Variants in DAB1 observed in about 807,000 individuals in gnomAD.
DAB1 encodes the protein disabled homolog 1.
Under a neutral mutation model 64.6 loss-of-function variants are expected in DAB1, and 15 were observed. That is an observed-to-expected ratio of 0.23 (90% CI 0.16 to 0.36). DAB1 has a LOEUF of 0.36. DAB1 is among the 10% of genes least tolerant of loss of function. The pLI, the probability that DAB1 is intolerant of heterozygous loss-of-function variation, is 1.00. For synonymous variants in DAB1, 235 were observed against 251.9 expected, an observed-to-expected ratio of 0.93 and a Z score of 0.64; for missense variants, 596 against 706.7, an observed-to-expected ratio of 0.84 and a Z score of 1.78.
intron 1 of DAB1, among the ~76,000 whole-genome samples, chr1:57,397,120 C>A (rs541061400): frequency 6.6e-6 from 1 of 152,284 alleles, no homozygotes; most frequent in African/African-American, 2.4e-5. Flanking sequence ...CTCTACAGTA[C>A]CCTTTTCCCT....
intron 1 of DAB1, among the ~76,000 whole-genome samples, chr1:57,364,982 T>C (rs1393345811): frequency 6.7e-6 from 1 of 148,868 alleles, no homozygotes; most frequent in Non-Finnish European, 1.5e-5. Context: ...TAGAGTCTCA[T>C]GACATTCTAT....
intron 3 of DAB1, among the ~76,000 whole-genome samples, chr1:58,381,053 C>A (rs561848071): frequency 6.6e-6 from 1 of 152,274 alleles, no homozygotes; most frequent in Non-Finnish European, 1.5e-5. Flanking sequence ...AACAGAAAAC[C>A]AAACACCACA....
intron 7 of DAB1, among the ~76,000 whole-genome samples, chr1:57,566,087 A>G (rs1257159820): frequency 1.3e-5 from 2 of 152,236 alleles, no homozygotes; most frequent in Non-Finnish European, 2.9e-5. Flanking sequence ...CTCAGACCAC[A>G]CTGCAATCAA....
At chr1:57,389,035 A>C (rs1682118998) in intron 1 of DAB1, among the ~76,000 whole-genome samples, 1 of 152,210 alleles carries the variant, frequency 6.6e-6, no homozygotes, top group South Asian at 2.1e-4. Context: ...ACACCACAAA[A>C]GTAACTGACA....
intron 1 of DAB1, among the ~76,000 whole-genome samples, chr1:57,379,756 C>T (rs11586826): frequency 0.31 from 47,671 of 152,048 alleles, 7,963 homozygotes; most frequent in African/African-American, 0.4. Context: ...GAACTCCAAG[C>T]CACCTATAGA....
At chr1:58,073,822 A>G (rs1175428751) in intron 5 of DAB1, among the ~76,000 whole-genome samples, 1 of 152,152 alleles carries the variant, frequency 6.6e-6, no homozygotes, top group African/African-American at 2.4e-5. Context: ...TAACTTACGA[A>G]GGTATAATTA....
At chr1:57,806,668 C>G (rs971080255) in intron 6 of DAB1, among the ~76,000 whole-genome samples, 5 of 152,156 alleles carry the variant, frequency 3.3e-5, no homozygotes, top group African/African-American at 9.7e-5. Context: ...CCCTAGAAAA[C>G]GAATATAAAA....
intron 5 of DAB1, among the ~76,000 whole-genome samples, chr1:57,891,391 C>T (rs549369604): frequency 5.8e-4 from 88 of 152,286 alleles, no homozygotes; most frequent in African/African-American, 2.0e-3. Flanking sequence ...AAAATAGGAA[C>T]GCTTTCACAC....
rs369058427 is a variant in DAB1, at chr1:57,163,572, G to A, written c.68-18143C>T. Among the ~76,000 whole-genome samples, 6 of 152,196 alleles carry A rather than the reference G, an allele frequency of 3.9e-5. No homozygotes were observed. In the East Asian group the frequency reaches 1.2e-3, roughly 30 times the overall value. On this transcript the variant is annotated intron_variant, in intron 2 of 14. Coordinates refer to ENST00000371236, the MANE Select transcript of DAB1 (RefSeq NM_001365792.1). ...CAATGGAAAGCCACGCTGGTGGTGG[G>A]GGCGGCGGTACCTTATGCAGGGGCA...
At chr1:58,506,633 A>G (rs1645994706) in intron 2 of DAB1, among the ~76,000 whole-genome samples, 1 of 152,220 alleles carries the variant, frequency 6.6e-6, no homozygotes. Context: ...GATATTAAGA[A>G]CATGTATTAA....
In DAB1 at chr1:57,186,737, A is replaced by G. The variant is rs910399353; in HGVS notation, c.68-41308T>C. Among the ~76,000 whole-genome samples the G allele has an allele frequency of 2.0e-5, 3 of 152,240 alleles. No homozygotes were observed. The East Asian group carries it at 5.8e-4, about 29-fold the overall frequency. The stretch of plus-strand genomic sequence containing the variant: ...CCAGTACCCACTTCAAGAATTTTAT[A>G]ATTAGCAAAGTTTCATTAGCAGAAT... On this transcript the variant is annotated intron_variant, in intron 2 of 14. Coordinates refer to ENST00000371236, the MANE Select transcript of DAB1 (RefSeq NM_001365792.1).
chr1:57,086,212 C>G, intron 4 of DAB1, among the ~76,000 whole-genome samples: 1 of 152,078 alleles, frequency 6.6e-6, no homozygotes, highest in East Asian at 1.9e-4. Flanking sequence ...TTCCCACATG[C>G]TGCAAATAGA....
intron 2 of DAB1, among the ~76,000 whole-genome samples, chr1:57,197,627 G>T (rs576892178): frequency 3.9e-5 from 6 of 152,166 alleles, no homozygotes; most frequent in Non-Finnish European, 8.8e-5. Context: ...AGATTTTAGT[G>T]CCAGATTCAT....
At chr1:58,264,971 C>T (rs1277223752) in intron 4 of DAB1, among the ~76,000 whole-genome samples, 1 of 152,022 alleles carries the variant, frequency 6.6e-6, no homozygotes, top group Non-Finnish European at 1.5e-5. Flanking sequence ...CATAAGCATC[C>T]CTAAAGCAGT....
In DAB1 at chr1:57,792,127, CTTAT is replaced by C. The variant is rs1193857847; in HGVS notation, n.551+91868_551+91871del. ...TGTTGAATGTGGACTTGAAAAACAG[CTTAT>C]TTATCTCTCTCCTTACTGTTGTCTC... is the stretch of plus-strand genomic sequence containing the variant. On this transcript the variant is annotated intron_variant and non_coding_transcript_variant, in intron 6 of 20. Transcript: ENST00000485760. 6.6e-5 allele frequency among the ~76,000 whole-genome samples: 10 copies of C among 152,274 alleles called. No homozygotes were observed. The East Asian group carries it at 1.9e-3, about 29-fold the overall frequency.
rs114859335 is a variant in DAB1, at chr1:57,551,636, C to T, written n.625+97956G>A. Among the ~76,000 whole-genome samples the T allele has an allele frequency of 7.4e-4, 112 of 152,244 alleles. 1 individual carries two copies. The highest frequency in any genetic ancestry group is 2.6e-3 in the African/African-American group (108 of 41,538). Reference sequence around the variant, plus strand: ...AAACCTGAGATCCCACTGCTGCCTGCGTCAACATCATTCTATATGTAAATG... The same window carrying T: ...AAACCTGAGATCCCACTGCTGCCTGTGTCAACATCATTCTATATGTAAATG... On this transcript the variant is annotated intron_variant and non_coding_transcript_variant, in intron 7 of 20. Coordinates refer to the DAB1 transcript ENST00000485760.
chr1:58,371,047 GGTAA>G (rs752227073), intron 3 of DAB1, among the ~76,000 whole-genome samples: 2 of 152,170 alleles, frequency 1.3e-5, no homozygotes, highest in Non-Finnish European at 2.9e-5. Context: ...TTTAGAACTG[GGTAA>G]CTAGCAGAGG....
intron 3 of DAB1, among the ~76,000 whole-genome samples, chr1:58,353,536 C>T (rs1419741137): frequency 6.6e-6 from 1 of 151,996 alleles, no homozygotes; most frequent in East Asian, 1.9e-4. Context: ...AGTTGTTTAT[C>T]GAGTTTAAAA....
At chr1:57,105,792 T>C (rs920665268) in intron 4 of DAB1, among the ~76,000 whole-genome samples, 2 of 152,196 alleles carry the variant, frequency 1.3e-5, no homozygotes, top group Admixed American at 1.3e-4. Context: ...TTATTTCCTT[T>C]TCCTTTTTTA....
Sources: allele counts gnomAD v4.1 joint callset (sites outside exome capture counted in the v4.1 genomes callset), GRCh38; gene constraint gnomAD v4.1.1; transcripts MANE v1.5; gene names NCBI Gene and HGNC (gene_info 2026-07-23, HGNC 2026-07-21).